The following TXNRD2 variants were observed in gnomAD, a reference collection of about 807,000 sequenced individuals.
TXNRD2 encodes thioredoxin reductase 2, also known as thioredoxin reductase 2, mitochondrial.
A neutral mutation model predicts 70.8 loss-of-function variants in TXNRD2; 67 were observed. The observed-to-expected ratio is 0.95, with a 90% confidence interval of 0.78 to 1.16. The LOEUF (loss-of-function observed/expected upper bound fraction) is 1.16. Ranked by LOEUF, TXNRD2 falls within the 50% of genes most tolerant of loss-of-function variation. The pLI, the probability that TXNRD2 is intolerant of heterozygous loss-of-function variation, is 0.00. For missense variants in TXNRD2, 644 were observed against 719.9 expected, an observed-to-expected ratio of 0.89 and a Z score of 1.21; for synonymous variants, 301 against 295.8, an observed-to-expected ratio of 1.02 and a Z score of -0.18.
At chr22:19,924,232 C>G (rs1941032751) in intron 2 of TXNRD2, among the ~76,000 whole-genome samples, 2 of 152,076 alleles carry the variant, frequency 1.3e-5, no homozygotes, top group Admixed American at 6.6e-5. Flanking sequence ...TTATCTCTCT[C>G]TTTCTTCCAC....
chr22:19,929,554 G>A (rs1196225803), intron 2 of TXNRD2, among the ~76,000 whole-genome samples: 1 of 152,114 alleles, frequency 6.6e-6, no homozygotes, highest in African/African-American at 2.4e-5. Context: ...GACAGGTACA[G>A]GTAGAGATTA....
chr22:19,933,973 G>C (rs1482325061), intron 1 of TXNRD2, among the ~76,000 whole-genome samples: 1 of 152,162 alleles, frequency 6.6e-6, no homozygotes, highest in Non-Finnish European at 1.5e-5. Context: ...CCTGGTACAG[G>C]CCAGCAAAGA....
intron 2 of TXNRD2, among the ~76,000 whole-genome samples, chr22:19,929,617 A>T (rs1941283048): frequency 6.6e-6 from 1 of 152,174 alleles, no homozygotes; most frequent in South Asian, 2.1e-4. Flanking sequence ...CCCAACGGAG[A>T]GGCCTCAGAA....
rs756452923 is a variant in TXNRD2 at position 19,941,683 on chromosome 22, G to GC, written c.103+17dup. ...CCGCGCGGACACCTACCGCGGGGAC[G>GC]CCCCGACCCCATCCTACCTGCTGCG... On this transcript the variant is annotated intron_variant, in intron 1 of 17. Transcript: ENST00000400521. 623 of 1,467,128 alleles carry GC rather than the reference G, an allele frequency of 4.2e-4. 1 individual carries two copies. The highest frequency in any genetic ancestry group is 5.2e-4 in the Non-Finnish European group (584 of 1,117,172). 90.9% of individuals were successfully genotyped at this position (1,467,128 alleles called of 1,614,324 possible).
chr22:19,935,043 AAC>A (rs1476108615), intron 1 of TXNRD2, among the ~76,000 whole-genome samples: 2 of 152,206 alleles, frequency 1.3e-5, no homozygotes, highest in African/African-American at 2.4e-5. Flanking sequence ...AGAACAGAAT[AAC>A]AGTGATTTTT....
chr22:19,911,832 A>G (rs1182171583), intron 7 of TXNRD2, among the ~76,000 whole-genome samples: 1 of 152,154 alleles, frequency 6.6e-6, no homozygotes, highest in African/African-American at 2.4e-5. Flanking sequence ...TCAAACAGAC[A>G]GGGGCATGCA....
chr22:19,878,355 G>A lies in TXNRD2; in HGVS notation c.1347+11C>T. 5 of 1,613,690 alleles carry A rather than the reference G, an allele frequency of 3.1e-6. No individual in the cohort carries two copies. The highest frequency in any genetic ancestry group is 4.2e-6 in the Non-Finnish European group (5 of 1,179,934). On this transcript the variant is annotated intron_variant, in intron 15 of 17. Coordinates refer to ENST00000400521, the MANE Select transcript of TXNRD2 (RefSeq NM_006440.5). ...CTCATCCTCAGCACCCTGGGCCACA[G>A]GGATGCTCACCTTTACATAACACTG...
intron 5 of TXNRD2, chr22:19,916,300 G>A (rs1940635944): frequency 4.9e-6 from 1 of 203,002 alleles, no homozygotes; most frequent in Non-Finnish European, 1.0e-5. Flanking sequence ...TGGGAGCATA[G>A]TGCACAGAAA....
intron 11 of TXNRD2, among the ~76,000 whole-genome samples, chr22:19,892,795 A>C (rs963659370): frequency 7.2e-5 from 11 of 152,248 alleles, no homozygotes; most frequent in Admixed American, 5.9e-4. Context: ...TGGGAATGAC[A>C]GTAGGAGGAT....
rs569881104 is a variant in TXNRD2, at chr22:19,896,957, G to A, written c.774+1082C>T. ...GCCTGTCCAGGACACAGGGTCCCTC[G>A]CCCCTCAGCCTGGCTGCCTAGACTG... On this transcript the variant is annotated intron_variant, in intron 10 of 17. Coordinates refer to ENST00000400521, the MANE Select transcript of TXNRD2 (RefSeq NM_006440.5). Among the ~76,000 whole-genome samples, 17 of 152,306 alleles carry A rather than the reference G, an allele frequency of 1.1e-4. No homozygotes were observed. The South Asian group carries it at 3.5e-3, about 32-fold the overall frequency.
chr22:19,888,882 C>CT (rs11372870), intron 11 of TXNRD2, among the ~76,000 whole-genome samples: 84,483 of 142,580 alleles, frequency 0.59, 26,426 homozygotes, highest in East Asian at 0.7. Context: ...TATTTATCTT[C>CT]TTTTTTTTTT....
At chr22:19,915,626 A>G in intron 6 of TXNRD2, 139 bp downstream of exon 6, 1 of 790,378 alleles carries the variant, frequency 1.3e-6, no homozygotes. Flanking sequence ...ACAAGTGCCC[A>G]GCCTCAAAAG....
At chr22:19,932,339 G>C (rs372599825) in intron 1 of TXNRD2, 2 of 1,612,650 alleles carry the variant, frequency 1.2e-6, no homozygotes, top group African/African-American at 2.7e-5. Flanking sequence ...TTTTGGGCTG[G>C]TTGTGGTGTC....
At chr22:19,912,823 C>T (rs997051284) in intron 7 of TXNRD2, among the ~76,000 whole-genome samples, 1 of 152,216 alleles carries the variant, frequency 6.6e-6, no homozygotes, top group African/African-American at 2.4e-5. Context: ...TCCTCGGGGC[C>T]GCTCCTTTCC....
chr22:19,898,163 C>A lies in TXNRD2; in HGVS notation c.683-33G>T, dbSNP rs182217147. The A allele has an allele frequency of 4.5e-6, 7 of 1,544,720 alleles. No homozygotes were observed. The East Asian group carries it at 1.7e-4, about 38-fold the overall frequency. On this transcript the variant is annotated intron_variant, in intron 9 of 17. Coordinates refer to ENST00000400521, the MANE Select transcript of TXNRD2 (RefSeq NM_006440.5). ...GTGCCAGCTAAGGAGCACTGTAGAT[C>A]CCAATTTTGGAAATGATGGGACAAC...
At chr22:19,926,109 G>A (rs1166357662) in intron 2 of TXNRD2, among the ~76,000 whole-genome samples, 1 of 150,220 alleles carries the variant, frequency 6.7e-6, no homozygotes, top group Middle Eastern at 3.2e-3. Flanking sequence ...GTTGCGGTGA[G>A]CCGAGATTGT....
At chr22:19,934,356 G>A (rs184898556) in intron 1 of TXNRD2, among the ~76,000 whole-genome samples, 4 of 136,184 alleles carry the variant, frequency 2.9e-5, no homozygotes, top group African/African-American at 1.1e-4. Flanking sequence ...ACTCCAGCCT[G>A]GTTAACAGAG....
chr22:19,916,810 T>A (rs1180040841), intron 5 of TXNRD2, among the ~76,000 whole-genome samples: 1 of 151,928 alleles, frequency 6.6e-6, no homozygotes, highest in Non-Finnish European at 1.5e-5. Flanking sequence ...AATAAAACTA[T>A]GTTGCTCAGG....
intron 8 of TXNRD2, chr22:19,910,832 T>C (rs1458974109): frequency 9.3e-6 from 2 of 214,852 alleles, no homozygotes; most frequent in Non-Finnish European, 1.9e-5. Context: ...CCCAGCACTT[T>C]AGGAGGACGA....
Sources: gnomAD v4.1 joint callset for allele counts (sites outside exome capture counted in the v4.1 genomes callset) on GRCh38, gnomAD v4.1.1 for gene constraint, MANE v1.5 for transcripts, NCBI Gene and HGNC (gene_info 2026-07-23, HGNC 2026-07-21) for gene names.